Variants in PCDH15 observed in about 807,000 individuals in gnomAD.
The protein encoded by PCDH15 is protocadherin related 15, also known as protocadherin-15.
Under a neutral mutation model 178.5 loss-of-function variants are expected in PCDH15, and 129 were observed. That is an observed-to-expected ratio of 0.72 (90% CI 0.63 to 0.84). The LOEUF is 0.84. PCDH15 is among the 40% of genes least tolerant of loss of function. The pLI is 0.00. For synonymous variants in PCDH15, 800 were observed against 732.0 expected (o/e 1.09, Z -1.50); for missense variants, 2,230 against 2,099.9 (o/e 1.06, Z -1.21).
At chr10:55,044,118 C>T (rs1840938883) in intron 2 of PCDH15, among the ~76,000 whole-genome samples, 1 of 152,098 alleles carries the variant, frequency 6.6e-6, no homozygotes, top group Admixed American at 6.6e-5. Flanking sequence ...TATGAAAGGA[C>T]ATTTTTGATG....
intron 26 of PCDH15, among the ~76,000 whole-genome samples, chr10:53,888,716 A>C (rs2081354256): frequency 1.4e-5 from 1 of 71,474 alleles, no homozygotes; most frequent in Non-Finnish European, 3.2e-5. Flanking sequence ...TCCTGTGGAA[A>C]TTGATAAGCT....
intron 2 of PCDH15, among the ~76,000 whole-genome samples, chr10:55,114,092 G>A (rs1278431071): frequency 4.6e-5 from 7 of 151,986 alleles, no homozygotes; most frequent in Admixed American, 4.6e-4. Flanking sequence ...GGGACTACAG[G>A]CACCCGCCAC....
intron 3 of PCDH15, among the ~76,000 whole-genome samples, chr10:54,851,274 G>A (rs1443196026): frequency 1.3e-5 from 2 of 151,760 alleles, no homozygotes; most frequent in Admixed American, 6.6e-5. Context: ...ATTAAAAAAG[G>A]AAGTTTTAAA....
chr10:55,434,814 C>T (rs1382970127), intron 2 of PCDH15, among the ~76,000 whole-genome samples: 2 of 152,096 alleles, frequency 1.3e-5, no homozygotes, highest in East Asian at 3.9e-4. Flanking sequence ...CCATATTGGC[C>T]AGGCTGGTCT....
intron 1 of PCDH15, among the ~76,000 whole-genome samples, chr10:54,673,676 G>T (rs2135536384): frequency 6.6e-6 from 1 of 152,184 alleles, no homozygotes; most frequent in African/African-American, 2.4e-5. Flanking sequence ...GACCTCAGAT[G>T]ATCTGCCCTC....
At chr10:54,250,004 T>C (rs866029563) in intron 8 of PCDH15, among the ~76,000 whole-genome samples, 3 of 152,046 alleles carry the variant, frequency 2.0e-5, no homozygotes, top group Middle Eastern at 3.4e-3. Context: ...CTCCACCTCA[T>C]GGGCTCGGAC....
chr10:54,072,070 A>G (rs548914703), intron 17 of PCDH15, among the ~76,000 whole-genome samples: 24 of 152,248 alleles, frequency 1.6e-4, no homozygotes, highest in African/African-American at 5.5e-4. Flanking sequence ...AGAGCTAGAA[A>G]GAATATTGAA....
chr10:55,602,084 G>A (rs10430549), intron 2 of PCDH15, among the ~76,000 whole-genome samples: 49,173 of 151,958 alleles, frequency 0.32, 8,544 homozygotes, highest in East Asian at 0.48. Flanking sequence ...GGAGGCGCAA[G>A]GGGTCAGGGA....
At chr10:54,945,788 A>G (rs1215888378) in intron 2 of PCDH15, among the ~76,000 whole-genome samples, 1 of 151,814 alleles carries the variant, frequency 6.6e-6, no homozygotes, top group Non-Finnish European at 1.5e-5. Flanking sequence ...ACGTTCACAT[A>G]GAAGAAACAA....
rs191920782 is a variant in PCDH15, at chr10:54,034,956, T to C, written c.2221-11759A>G. ...TATTAACATCCTTTTTTCTTTCTGG[T>C]AAAGGTAAAATAAGCCAGATTGGAG... On this transcript the variant is annotated intron_variant, in intron 18 of 37. Transcript: ENST00000644397. Among the ~76,000 whole-genome samples the C allele has an allele frequency of 4.6e-5, 7 of 151,968 alleles. 1 individual carries two copies. Among genetic ancestry groups the C allele is most frequent in the African/African-American group, 1.7e-4 (7 of 41,490 alleles).
chr10:55,605,262 C>A (rs930441974), intron 2 of PCDH15, among the ~76,000 whole-genome samples: 2 of 152,196 alleles, frequency 1.3e-5, no homozygotes, highest in African/African-American at 4.8e-5. Flanking sequence ...CAATAGCTTA[C>A]CAACCAAAAA....
intron 2 of PCDH15, among the ~76,000 whole-genome samples, chr10:55,477,086 C>T (rs2132113422): frequency 6.6e-6 from 1 of 151,900 alleles, no homozygotes; most frequent in East Asian, 1.9e-4. Context: ...TAGTATATTA[C>T]CCACTGTTGG....
chr10:54,868,808 T>C lies in PCDH15; in HGVS notation c.-29+28642A>G, dbSNP rs575728218. ...CAATCAATGTTATTATCTGTACTAC[T>C]AATCATGATCATTAGCAAAAGTCTG... On this transcript the variant is annotated intron_variant, in intron 3 of 5. Transcript: ENST00000458638. Among the ~76,000 whole-genome samples, 143 of 152,250 alleles carry C rather than the reference T, an allele frequency of 9.4e-4. 2 individuals carry two copies. Among genetic ancestry groups the C allele is most frequent in the African/African-American group, 2.9e-4 (12 of 41,566 alleles).
At chr10:54,566,167 G>C (rs1433505537) in intron 2 of PCDH15, among the ~76,000 whole-genome samples, 1 of 152,040 alleles carries the variant, frequency 6.6e-6, no homozygotes, top group Non-Finnish European at 1.5e-5. Context: ...ATAATTTTTT[G>C]TCATATTTGA....
At chr10:54,290,865 C>A (rs188120109) in intron 8 of PCDH15, among the ~76,000 whole-genome samples, 123 of 152,294 alleles carry the variant, frequency 8.1e-4, no homozygotes, top group African/African-American at 2.8e-3. Flanking sequence ...AATATATATG[C>A]ACCTAATACA....
chr10:55,401,672 A>G (rs1008964098), intron 2 of PCDH15, among the ~76,000 whole-genome samples: 1 of 149,806 alleles, frequency 6.7e-6, no homozygotes, highest in South Asian at 2.1e-4. Context: ...AATCTGCCCA[A>G]TCAGGCTGTG....
chr10:54,771,245 A>T, intron 1 of PCDH15, among the ~76,000 whole-genome samples: 1 of 152,130 alleles, frequency 6.6e-6, no homozygotes, highest in East Asian at 1.9e-4. Flanking sequence ...GTGCTTTGAG[A>T]GATGTTGGCA....
At chr10:55,327,499 A>G (rs1309388406) in intron 2 of PCDH15, among the ~76,000 whole-genome samples, 1 of 152,110 alleles carries the variant, frequency 6.6e-6, no homozygotes, top group Non-Finnish European at 1.5e-5. Context: ...TTAACATACA[A>G]CAGAAAAGGA....
At chr10:55,586,108 AG>A (rs1038196083) in intron 2 of PCDH15, among the ~76,000 whole-genome samples, 19 of 152,230 alleles carry the variant, frequency 1.2e-4, no homozygotes, top group African/African-American at 4.6e-4. Context: ...TTGGGCAAAA[AG>A]GGTCATTTCA....
Sources: allele counts gnomAD v4.1 joint callset (sites outside exome capture counted in the v4.1 genomes callset), GRCh38; gene constraint gnomAD v4.1.1; transcripts MANE v1.5; gene names NCBI Gene and HGNC (gene_info 2026-07-23, HGNC 2026-07-21).